CNTNAP5: variants seen among roughly 807,000 people sequenced by gnomAD.
CNTNAP5 encodes contactin associated protein family member 5.
Under a neutral mutation model 150.2 loss-of-function variants are expected in CNTNAP5, and 72 were observed. The observed-to-expected ratio is 0.48, with a 90% CI of 0.40 to 0.58. CNTNAP5 has a LOEUF of 0.58. CNTNAP5 is among the 20% of genes least tolerant of loss of function. The pLI, the probability that CNTNAP5 is intolerant of heterozygous loss-of-function variation, is 0.00. For missense variants in CNTNAP5, 1,636 were observed against 1,626.2 expected, an observed-to-expected ratio of 1.01 and a Z score of -0.10; for synonymous variants, 672 against 619.8, an observed-to-expected ratio of 1.08 and a Z score of -1.25.
chr2:124,091,332 G>C (rs1387514235), intron 1 of CNTNAP5, among the ~76,000 whole-genome samples: 1 of 152,120 alleles, frequency 6.6e-6, no homozygotes, highest in South Asian at 2.1e-4. Flanking sequence ...AGGAGTACTT[G>C]GTTCCCTGAG....
chr2:124,419,967 T>TCC (rs1692053180), intron 4 of CNTNAP5, among the ~76,000 whole-genome samples: 2 of 38,156 alleles, frequency 5.2e-5, no homozygotes, highest in African/African-American at 8.4e-5. Flanking sequence ...CTTTTCTCTC[T>TCC]CTCTCTTTCT....
At chr2:124,057,653 G>A (rs1187388634) in intron 1 of CNTNAP5, among the ~76,000 whole-genome samples, 1 of 151,724 alleles carries the variant, frequency 6.6e-6, no homozygotes, top group East Asian at 1.9e-4. Flanking sequence ...ATAGCCTAGT[G>A]AGGAGCCACT....
intron 18 of CNTNAP5, among the ~76,000 whole-genome samples, chr2:124,795,903 G>A (rs183649123): frequency 6.6e-6 from 1 of 152,024 alleles, no homozygotes; most frequent in Non-Finnish European, 1.5e-5. Context: ...TGCTCAAGGG[G>A]TGTTGTTGAT....
At chr2:124,733,702 A>G (rs1394164462) in intron 13 of CNTNAP5, among the ~76,000 whole-genome samples, 1 of 152,152 alleles carries the variant, frequency 6.6e-6, no homozygotes, top group East Asian at 1.9e-4. Context: ...TTTGCAAATG[A>G]GATACTATTG....
intron 1 of CNTNAP5, among the ~76,000 whole-genome samples, chr2:124,088,921 T>C (rs535969796): frequency 6.6e-6 from 1 of 152,350 alleles, no homozygotes; most frequent in African/African-American, 2.4e-5. Context: ...TTTCTGGGTG[T>C]TTAACCAGTC....
intron 13 of CNTNAP5, among the ~76,000 whole-genome samples, chr2:124,727,953 G>A (rs1400760206): frequency 6.6e-6 from 1 of 151,956 alleles, no homozygotes; most frequent in Non-Finnish European, 1.5e-5. Flanking sequence ...AGTCATATAT[G>A]ACCTTTATTG....
intron 1 of CNTNAP5, among the ~76,000 whole-genome samples, chr2:124,202,814 A>G (rs995374622): frequency 1.3e-5 from 2 of 152,140 alleles, no homozygotes; most frequent in South Asian, 4.1e-4. Flanking sequence ...CCCATGATTC[A>G]ATTACCTCCC....
intron 13 of CNTNAP5, among the ~76,000 whole-genome samples, chr2:124,734,852 A>G (rs1443516110): frequency 6.6e-6 from 1 of 152,158 alleles, no homozygotes. Flanking sequence ...TCCTCATAAA[A>G]GAGAGGGGAT....
intron 14 of CNTNAP5, among the ~76,000 whole-genome samples, chr2:124,756,973 T>C (rs1680853421): frequency 6.6e-6 from 1 of 152,116 alleles, no homozygotes; most frequent in Non-Finnish European, 1.5e-5. Flanking sequence ...GAAAGAAAAG[T>C]ATAAATGCAT....
chr2:124,429,835 A>G (rs1390575715), intron 4 of CNTNAP5, among the ~76,000 whole-genome samples: 2 of 152,160 alleles, frequency 1.3e-5, no homozygotes, highest in Non-Finnish European at 2.9e-5. Context: ...GGTGAAATAG[A>G]TGATGCGCAG....
At chr2:124,865,959 G>T (rs765870454) in intron 20 of CNTNAP5, among the ~76,000 whole-genome samples, 35 of 146,762 alleles carry the variant, frequency 2.4e-4, no homozygotes, top group Non-Finnish European at 5.0e-4. Flanking sequence ...AAAATTAAAA[G>T]AAAAAAAGAA....
chr2:124,575,174 C>G (rs1016914290), intron 11 of CNTNAP5, among the ~76,000 whole-genome samples: 1 of 152,206 alleles, frequency 6.6e-6, no homozygotes. Flanking sequence ...CAAGGACATT[C>G]AGGTACAACA....
chr2:124,030,941 C>G (rs1573702997), intron 1 of CNTNAP5, among the ~76,000 whole-genome samples: 1 of 152,044 alleles, frequency 6.6e-6, no homozygotes, highest in East Asian at 1.9e-4. Context: ...AATTCCTTGT[C>G]CTAGCACAGG....
intron 21 of CNTNAP5, among the ~76,000 whole-genome samples, chr2:124,890,423 A>T (rs994514387): frequency 3.9e-5 from 6 of 152,056 alleles, no homozygotes; most frequent in Non-Finnish European, 5.9e-5. Flanking sequence ...TTTCCTAGTG[A>T]GTTTAAGCTC....
intron 8 of CNTNAP5, among the ~76,000 whole-genome samples, chr2:124,512,992 C>G (rs1300280086): frequency 2.0e-5 from 3 of 152,174 alleles, no homozygotes. Flanking sequence ...TCTCAAGAAA[C>G]CTTTCCAAGG....
intron 13 of CNTNAP5, among the ~76,000 whole-genome samples, chr2:124,654,251 A>T (rs1380876786): frequency 6.6e-6 from 1 of 152,206 alleles, no homozygotes; most frequent in African/African-American, 2.4e-5. Context: ...TTCTAAGAGT[A>T]AAGGGAAGTC....
intron 3 of CNTNAP5, among the ~76,000 whole-genome samples, chr2:124,308,324 C>A (rs761038187): frequency 3.3e-5 from 5 of 152,150 alleles, no homozygotes; most frequent in Non-Finnish European, 7.3e-5. Context: ...TTTATCCATC[C>A]CCTGCCCTGG....
chr2:124,827,544 C>T (rs1426286325), intron 19 of CNTNAP5, among the ~76,000 whole-genome samples: 3 of 152,266 alleles, frequency 2.0e-5, no homozygotes, highest in Admixed American at 6.5e-5. Flanking sequence ...TGAGACTTAA[C>T]CCACATGACA....
At chr2:124,244,331 C>T (rs186874040) in intron 3 of CNTNAP5, among the ~76,000 whole-genome samples, 98 of 152,232 alleles carry the variant, frequency 6.4e-4, no homozygotes, top group African/African-American at 2.2e-3. Context: ...TCACTAGACA[C>T]ATGGCAGGAA....
Sources: allele counts gnomAD v4.1 joint callset (sites outside exome capture counted in the v4.1 genomes callset), GRCh38; gene constraint gnomAD v4.1.1; transcripts MANE v1.5; gene names NCBI Gene and HGNC (gene_info 2026-07-23, HGNC 2026-07-21).